TCEA1: variants seen among roughly 807,000 people sequenced by gnomAD.
The protein encoded by TCEA1 is transcription elongation factor A1, also known as transcription elongation factor A protein 1.
A neutral mutation model predicts 43.8 loss-of-function variants in TCEA1; 21 were observed. The observed-to-expected ratio is 0.48, with a 90% confidence interval of 0.34 to 0.69. The LOEUF is 0.69. TCEA1 is among the 30% of genes least tolerant of loss of function. The pLI is 0.01. For missense variants in TCEA1, 250 were observed against 365.1 expected (o/e 0.68, Z 2.57); for synonymous variants, 104 against 117.5 (o/e 0.88, Z 0.75).
intron 3 of TCEA1, among the ~76,000 whole-genome samples, chr8:53,997,128 T>C (rs1360458935): frequency 6.6e-6 from 1 of 152,070 alleles, no homozygotes; most frequent in Non-Finnish European, 1.5e-5. Flanking sequence ...CAGGATGGTC[T>C]CGATCTCCTG....
intron 8 of TCEA1, among the ~76,000 whole-genome samples, chr8:53,977,249 G>A (rs961314514): frequency 2.0e-5 from 3 of 152,218 alleles, no homozygotes; most frequent in South Asian, 2.1e-4. Context: ...GAACCCGGGA[G>A]GCGGAGTTTG....
chr8:53,981,829 T>C (rs751651566), intron 7 of TCEA1, among the ~76,000 whole-genome samples: 3 of 151,852 alleles, frequency 2.0e-5, no homozygotes, highest in Non-Finnish European at 2.9e-5. Flanking sequence ...CTCAGCTTAC[T>C]GAAACCTCCA....
intron 2 of TCEA1, among the ~76,000 whole-genome samples, chr8:54,002,311 T>C (rs1339095889): frequency 2.1e-5 from 3 of 145,016 alleles, no homozygotes; most frequent in South Asian, 2.2e-4. Context: ...CTTTAAAAAG[T>C]ACAAAAAATT....
chr8:53,985,550 C>T (rs1237450118), intron 6 of TCEA1, among the ~76,000 whole-genome samples: 1 of 152,146 alleles, frequency 6.6e-6, no homozygotes, highest in Non-Finnish European at 1.5e-5. Flanking sequence ...GTGAGGGTTC[C>T]TCTCCTCCCC....
At chr8:54,019,625 GA>G (rs1443773347) in intron 1 of TCEA1, among the ~76,000 whole-genome samples, 1 of 149,150 alleles carries the variant, frequency 6.7e-6, no homozygotes, top group Non-Finnish European at 1.5e-5. Flanking sequence ...AAAGCTGAGA[GA>G]AAAATCTGAA....
Position 54,010,466 on chromosome 8 carries a change from C to G in TCEA1, c.90G>C (p.Glu30Asp). 1 of 1,605,828 alleles carries G rather than the reference C, an allele frequency of 6.2e-7. No individual in the cohort carries two copies. Among genetic ancestry groups the G allele is most frequent in the South Asian group, 1.1e-5 (1 of 88,876 alleles). Residue 30 changes from glutamate (E) to aspartate (D), a missense_variant, in exon 2 of 10, where the codon GAG (glutamate) becomes GAC (aspartate). By Grantham distance (45) the Glu-to-Asp change is conservative. Transcript: ENST00000521604. ...CCAGGGTCATAGGAATATTCTTAAG[C>G]TCCTTTAGCAAATCCAATGCTCCAG... ...NAAGALDLLKELKNIPMTLEL... is the reference protein window; with the variant it reads ...NAAGALDLLKDLKNIPMTLEL...
chr8:54,017,293 A>C (rs1310297084), intron 1 of TCEA1, among the ~76,000 whole-genome samples: 1 of 152,166 alleles, frequency 6.6e-6, no homozygotes, highest in African/African-American at 2.4e-5. Context: ...CTCAAATAAC[A>C]TGGGTTTAAA....
intron 3 of TCEA1, among the ~76,000 whole-genome samples, chr8:53,994,741 C>T (rs994599642): frequency 1.3e-5 from 2 of 151,840 alleles, no homozygotes; most frequent in Admixed American, 6.6e-5. Flanking sequence ...CGTGGTGATA[C>T]GCGCCTGTAG....
At chr8:53,995,036 G>T (rs897292676) in intron 3 of TCEA1, among the ~76,000 whole-genome samples, 1 of 152,064 alleles carries the variant, frequency 6.6e-6, no homozygotes, top group African/African-American at 2.4e-5. Context: ...TGTGGTGGCT[G>T]ACACCTGTAA....
In TCEA1 at chr8:54,002,978, A is replaced by G. The variant is rs1353241534; in HGVS notation, c.127-2928T>C. On this transcript the variant is annotated intron_variant, in intron 2 of 9. Transcript: ENST00000521604. ...CAGAAAGGAATGAGTACTGAGATCAAGAGACACTGTTAACATCACAGGAAA... is the reference window on the plus strand; with the variant it reads ...CAGAAAGGAATGAGTACTGAGATCAGGAGACACTGTTAACATCACAGGAAA... 12 of 456,204 alleles carry G rather than the reference A, an allele frequency of 2.6e-5. No homozygotes were observed. The Admixed American group carries it at 2.8e-4, about 11-fold the overall frequency. 28.3% of individuals were successfully genotyped at this position (456,204 alleles called of 1,614,324 possible). A position where few individuals can be genotyped will look rare whatever the true frequency, so the allele number is the denominator to read the frequency against.
intron 2 of TCEA1, among the ~76,000 whole-genome samples, chr8:54,007,822 T>C (rs1297234139): frequency 6.6e-6 from 1 of 152,210 alleles, no homozygotes; most frequent in East Asian, 1.9e-4. Context: ...ACGATATTCA[T>C]GTTATTGGCT....
intron 2 of TCEA1, 179 bp downstream of exon 2, chr8:54,010,251 G>A: frequency 1.8e-6 from 1 of 546,148 alleles, no homozygotes; most frequent in South Asian, 2.3e-5. Flanking sequence ...AGGCGACATT[G>A]CTCTATAATG....
intron 8 of TCEA1, chr8:53,973,867 T>G: frequency 2.9e-6 from 1 of 343,570 alleles, no homozygotes; most frequent in Non-Finnish European, 5.6e-6. Flanking sequence ...AAACAAGAAC[T>G]TACTCAGGCA....
At chr8:53,995,308 A>G (rs936783611) in intron 3 of TCEA1, among the ~76,000 whole-genome samples, 3 of 150,792 alleles carry the variant, frequency 2.0e-5, no homozygotes, top group African/African-American at 7.4e-5. Context: ...AAAAAAAAAA[A>G]AAAAAAAGAA....
intron 8 of TCEA1, among the ~76,000 whole-genome samples, chr8:53,971,039 C>A (rs1303311916): frequency 6.6e-6 from 1 of 151,942 alleles, no homozygotes; most frequent in Non-Finnish European, 1.5e-5. Context: ...TATAACAGCA[C>A]AACACTAAAA....
intron 1 of TCEA1, among the ~76,000 whole-genome samples, chr8:54,020,349 A>G (rs77346850): frequency 0.017 from 2,586 of 152,314 alleles, 80 homozygotes; most frequent in African/African-American, 0.059. Flanking sequence ...ATGAAGGGCC[A>G]TATCAATGGG....
chr8:53,969,222 G>A (rs1803081405), intron 9 of TCEA1, among the ~76,000 whole-genome samples: 1 of 152,112 alleles, frequency 6.6e-6, no homozygotes, highest in Non-Finnish European at 1.5e-5. Context: ...CCTGGGAGGC[G>A]AAGGTTGCAG....
chr8:54,002,903 G>A (rs1173829727), intron 2 of TCEA1: 3 of 456,262 alleles, frequency 6.6e-6, no homozygotes, highest in Non-Finnish European at 1.3e-5. Context: ...TTGGAAAGGT[G>A]GAGAGTGCAT....
chr8:54,012,613 T>A (rs1012081284), intron 1 of TCEA1, among the ~76,000 whole-genome samples: 14 of 152,188 alleles, frequency 9.2e-5, no homozygotes, highest in Non-Finnish European at 1.9e-4. Flanking sequence ...GTTGCTGAAG[T>A]GCCCAAATCC....
Sources: allele counts gnomAD v4.1 joint callset (sites outside exome capture counted in the v4.1 genomes callset), GRCh38; gene constraint gnomAD v4.1.1; transcripts MANE v1.5; gene names NCBI Gene and HGNC (gene_info 2026-07-23, HGNC 2026-07-21).